BUB1B: variants seen among roughly 807,000 people sequenced by gnomAD.
The protein encoded by BUB1B is BUB1 mitotic checkpoint serine/threonine kinase B.
Under a neutral mutation model 137.7 loss-of-function variants are expected in BUB1B, and 86 were observed. The observed-to-expected ratio is 0.62, with a 90% confidence interval of 0.52 to 0.75. BUB1B has a LOEUF of 0.75. BUB1B is among the 30% of genes least tolerant of loss of function. The pLI is 0.00. For synonymous variants in BUB1B, 420 were observed against 417.9 expected, an observed-to-expected ratio of 1.00 and a Z score of -0.06; for missense variants, 1,130 against 1,236.9, an observed-to-expected ratio of 0.91 and a Z score of 1.30.
At chr15:40,217,438 T>G in intron 20 of BUB1B, 58 bp from the exon 21 acceptor site, 1 of 1,553,654 alleles carries the variant, frequency 6.4e-7, no homozygotes, top group Non-Finnish European at 8.9e-7. Context: ...AAAGACCAGC[T>G]ATGCAGCTTC....
At position 40,176,575 on chromosome 15, in the gene BUB1B, A is replaced by T. The variant is rs758667204; in HGVS notation, c.483A>T (p.Glu161Asp). The T allele has an allele frequency of 1.2e-6, 2 of 1,614,174 alleles. No homozygotes were observed. The highest frequency in any genetic ancestry group is 2.2e-5 in the South Asian group (2 of 91,086). Residue 161 changes from glutamate to aspartate, a missense_variant, in exon 5 of 23, where the codon GAA (glutamate) becomes GAT (aspartate). Glu to Asp is a conservative substitution (Grantham distance 45, BLOSUM62 2). Coordinates refer to ENST00000287598, the MANE Select transcript of BUB1B (RefSeq NM_001211.6). ...AGTTCTATATCTCATGGGCAGAAGAATATGAAGCTAGAGAAAACTTTAGGA... is the reference window on the plus strand; with the variant it reads ...AGTTCTATATCTCATGGGCAGAAGATTATGAAGCTAGAGAAAACTTTAGGA... ...LAQFYISWAE[E>D]YEARENFRKA...
chr15:40,183,838 AAGAC>A lies in BUB1B; in HGVS notation c.709_712del (p.Thr237GlnfsTer8), dbSNP rs992789522. 6.2e-7 allele frequency: 1 copy of A among 1,614,006 alleles called. No homozygotes were observed. Among genetic ancestry groups the A allele is most frequent in the African/African-American group, 1.3e-5 (1 of 74,930 alleles). On this transcript the variant is annotated frameshift_variant, in exon 6 of 23. Coordinates refer to ENST00000287598, the MANE Select transcript of BUB1B (RefSeq NM_001211.6). LOFTEE classifies it high-confidence loss of function. Reference sequence around the variant, plus strand: ...AGCTGAACTAAAGAGCAAAGGGAAAAAGACAGCAAGAGCTCCAATCATCCGTGTA... The same window carrying A: ...AGCTGAACTAAAGAGCAAAGGGAAAAAGCAAGAGCTCCAATCATCCGTGTA...
intron 2 of BUB1B, chr15:40,166,237 A>G (rs903585752): frequency 1.5e-5 from 5 of 339,520 alleles, no homozygotes; most frequent in African/African-American, 2.3e-5. Context: ...TTATTCACCA[A>G]TTGATGAATA....
At chr15:40,174,059 A>AT in intron 4 of BUB1B, 1 of 356,622 alleles carries the variant, frequency 2.8e-6, no homozygotes, top group East Asian at 8.3e-5. Flanking sequence ...TAATCTAACC[A>AT]TATAGTCCTT....
chr15:40,195,175 T>C (rs2037483302), intron 8 of BUB1B, among the ~76,000 whole-genome samples: 1 of 151,786 alleles, frequency 6.6e-6, no homozygotes, highest in Non-Finnish European at 1.5e-5. Flanking sequence ...CATTGTATCA[T>C]TTTTATGGCT....
At chr15:40,185,494 A>T (rs2140890959) in intron 7 of BUB1B, 57 bp from the exon 8 acceptor site, 1 of 1,594,480 alleles carries the variant, frequency 6.3e-7, no homozygotes, top group East Asian at 2.2e-5. Context: ...CATGGTCTAT[A>T]TATGCTGTCT....
intron 9 of BUB1B, among the ~76,000 whole-genome samples, chr15:40,198,030 G>A (rs1272726909): frequency 6.6e-6 from 1 of 152,088 alleles, no homozygotes; most frequent in Non-Finnish European, 1.5e-5. Context: ...TTTAGGGCCA[G>A]GCACAGTGGC....
chr15:40,212,255 T>C (rs983010272), intron 18 of BUB1B, among the ~76,000 whole-genome samples: 1 of 152,262 alleles, frequency 6.6e-6, no homozygotes, highest in African/African-American at 2.4e-5. Context: ...AGTGTAAATG[T>C]AGCTCAGCTT....
chr15:40,210,148 T>G lies in BUB1B; in HGVS notation c.2323T>G (p.Cys775Gly), dbSNP rs1025942169. The G allele has an allele frequency of 6.8e-6, 11 of 1,612,702 alleles. No homozygotes were observed. The highest frequency in any genetic ancestry group is 3.3e-5 in the Admixed American group (2 of 60,022). ...DYCIKREYLI[C>G]EDYKLFWVAP... is the part of the protein sequence containing the mutation. ...CTGCATTAAACGAGAATACCTAATA[T>G]GTGAAGATTACAAGTTATTCTGGGT... The change falls in exon 18 of 23, where the codon TGT (cysteine) becomes GGT (glycine). Residue 775 changes from cysteine (C) to glycine (G), a missense_variant. Physicochemically the swap from Cys to Gly is radical, Grantham distance 159 (BLOSUM62 -3). Transcript: ENST00000287598.
chr15:40,200,280 C>T lies in BUB1B; in HGVS notation c.1438C>T (p.Leu480=), dbSNP rs751208240. 1.2e-6 allele frequency: 2 copies of T among 1,613,820 alleles called. No homozygotes were observed. Among genetic ancestry groups the T allele is most frequent in the Admixed American group, 1.7e-5 (1 of 60,012 alleles). ...ETMPTKETTK[L]QIASESQKIP... ...GATGCCTACAAAGGAGACAACTAAA[C>T]TGCAAATTGCTTCCGAGTCTCAGAA... Residue 480 remains leucine (L), a synonymous_variant, in exon 11 of 23, where the codon CTG becomes TTG. Coordinates refer to ENST00000287598, the MANE Select transcript of BUB1B (RefSeq NM_001211.6).
chr15:40,192,085 T>C (rs1595523744), intron 8 of BUB1B, among the ~76,000 whole-genome samples: 1 of 152,260 alleles, frequency 6.6e-6, no homozygotes, highest in Admixed American at 6.5e-5. Flanking sequence ...TTTAATGATA[T>C]TGACATCTTA....
Position 40,168,739 on chromosome 15 carries a change from C to T in BUB1B, c.180-1323C>T, listed in dbSNP as rs941034663. 2.6e-5 allele frequency among the ~76,000 whole-genome samples: 4 copies of T among 152,146 alleles called. No homozygotes were observed. The South Asian group carries it at 8.3e-4, about 32-fold the overall frequency. On this transcript the variant is annotated intron_variant, in intron 2 of 22. Transcript: ENST00000287598. Reference sequence around the variant, plus strand: ...TTACTTCTCCAGGGGTCTCCATTTGCTCTCGGTACTGACTTTATGTTATAG... The same window carrying T: ...TTACTTCTCCAGGGGTCTCCATTTGTTCTCGGTACTGACTTTATGTTATAG...
At chr15:40,180,385 G>A (rs35216508) in intron 5 of BUB1B, among the ~76,000 whole-genome samples, 35,517 of 150,608 alleles carry the variant, frequency 0.24, 5,187 homozygotes, top group Non-Finnish European at 0.32. Context: ...AGCCTCCCGA[G>A]TAGCTGAGTA....
chr15:40,176,683 C>T lies in BUB1B; in HGVS notation c.581+10C>T, dbSNP rs772864894. 6.2e-7 allele frequency: 1 copy of T among 1,612,872 alleles called. No homozygotes were observed. The highest frequency in any genetic ancestry group is 2.2e-5 in the East Asian group (1 of 44,866). Reference sequence around the variant, plus strand: ...TACAGTCCCAGCACCGGTAAACTTTCTTTGGAGCTTGTCTTAACTCTAAAA... The same window carrying T: ...TACAGTCCCAGCACCGGTAAACTTTTTTTGGAGCTTGTCTTAACTCTAAAA... On this transcript the variant is annotated intron_variant, in intron 5 of 22. Transcript: ENST00000287598.
Position 40,185,261 on chromosome 15 carries a change from C to T in BUB1B, c.848C>T (p.Ser283Phe). The T allele has an allele frequency of 6.2e-7, 1 of 1,613,974 alleles. No individual in the cohort carries two copies. ...TVFDENADEA[S>F]TAELSKPTVQ... ...TTTGATGAAAATGCTGATGAGGCTT[C>T]TACAGCAGAGTTGTCTAAGCCTACA... The change falls in exon 7 of 23, where the codon TCT (serine) becomes TTT (phenylalanine). Residue 283 changes from serine (S) to phenylalanine (F), a missense_variant. Transcript: ENST00000287598.
At chr15:40,205,355 T>G (rs2037624770) in intron 14 of BUB1B, among the ~76,000 whole-genome samples, 1 of 152,162 alleles carries the variant, frequency 6.6e-6, no homozygotes, top group South Asian at 2.1e-4. Context: ...ATCTAGAAAA[T>G]TAATCTCTGG....
At chr15:40,165,255 G>T (rs752699565) in intron 2 of BUB1B, 59 bp downstream of exon 2, 5 of 1,610,156 alleles carry the variant, frequency 3.1e-6, no homozygotes, top group Admixed American at 3.3e-5. Context: ...TGTAGATAAC[G>T]TGGGTGTGGA....
intron 14 of BUB1B, among the ~76,000 whole-genome samples, 165 bp from the exon 15 acceptor site, chr15:40,206,019 T>C (rs556123627): frequency 2.0e-5 from 3 of 152,344 alleles, no homozygotes; most frequent in East Asian, 1.9e-4. Flanking sequence ...TTGGATGAAG[T>C]ATAGTTTACT....
At chr15:40,172,305 C>CT (rs1381604380) in intron 4 of BUB1B, among the ~76,000 whole-genome samples, 3 of 152,082 alleles carry the variant, frequency 2.0e-5, no homozygotes, top group African/African-American at 7.2e-5. Context: ...ACAGTTGACC[C>CT]TTGAACAACA....
Sources: gnomAD v4.1 joint callset for allele counts (sites outside exome capture counted in the v4.1 genomes callset) on GRCh38, gnomAD v4.1.1 for gene constraint, MANE v1.5 for transcripts, NCBI Gene and HGNC (gene_info 2026-07-23, HGNC 2026-07-21) for gene names.